The following PLEKHS1 variants were observed in gnomAD, a reference collection of about 807,000 sequenced individuals.
The protein encoded by PLEKHS1 is pleckstrin homology domain-containing family S member 1.
A neutral mutation model predicts 51.0 loss-of-function variants in PLEKHS1; 55 were observed. The ratio of observed to expected loss-of-function variants is 1.08; its 90% CI spans 0.87 to 1.35. PLEKHS1 has a LOEUF of 1.35. Among genes scored for constraint, PLEKHS1 ranks in the 40% most tolerant of loss-of-function variants. The probability of loss-of-function intolerance (pLI) is 0.00; values close to 1 mark genes in which losing one functional copy is unlikely to be tolerated. For synonymous variants in PLEKHS1, 153 were observed against 144.8 expected (o/e 1.06, Z -0.41); for missense variants, 398 against 423.0 (o/e 0.94, Z 0.52).
chr10:113,775,935 T>TTGAAGAGAACAAATACATC, intron 11 of PLEKHS1, 69 bp downstream of exon 11: 1 of 1,202,208 alleles, frequency 8.3e-7, no homozygotes, highest in East Asian at 2.5e-5. Flanking sequence ...CAATTACATC[T>TTGAAGAGAACAAATACATC]TGAAACAGTG....
exon 4 of PLEKHS1, chr10:113,766,614 C>T (rs1844172121): frequency 1.2e-6 from 2 of 1,605,454 alleles, no homozygotes; most frequent in Non-Finnish European, 8.5e-7. Flanking sequence ...TTTTTCAGAC[C>T]TCTTGGAAAA....
chr10:113,767,811 T>C (rs1844231941), intron 5 of PLEKHS1, among the ~76,000 whole-genome samples: 1 of 152,138 alleles, frequency 6.6e-6, no homozygotes, highest in Non-Finnish European at 1.5e-5. Context: ...CAGGGGCCTC[T>C]CCTAACTATT....
intron 11 of PLEKHS1, chr10:113,777,595 T>G (rs1204828095): frequency 2.6e-6 from 4 of 1,548,794 alleles, no homozygotes; most frequent in Non-Finnish European, 3.5e-6. Flanking sequence ...TTCTTTTCTG[T>G]AAAATTATGA....
chr10:113,770,945 C>T (rs894349223), intron 7 of PLEKHS1, among the ~76,000 whole-genome samples: 14 of 152,280 alleles, frequency 9.2e-5, no homozygotes, highest in Admixed American at 2.0e-4. Context: ...CAGCATGATC[C>T]GGCTCCATGA....
Position 113,762,386 on chromosome 10 carries a change from T to C in PLEKHS1, c.29-4025T>C, listed in dbSNP as rs866366811. 6.6e-3 allele frequency among the ~76,000 whole-genome samples: 799 copies of C among 121,956 alleles called. 7 individuals are homozygous for C. Among genetic ancestry groups the C allele is most frequent in the African/African-American group, 0.022 (769 of 35,472 alleles). 80.0% of individuals were successfully genotyped at this position (121,956 alleles called of 152,430 possible). A position where few individuals can be genotyped will look rare whatever the true frequency, so the allele number is the denominator to read the frequency against. On this transcript the variant is annotated intron_variant, in intron 2 of 11. Coordinates refer to ENST00000361048, the Ensembl canonical transcript of PLEKHS1. Reference sequence around the variant, plus strand: ...GTTCCTTTTTTTTTTTTTTTTTTTTTCAGTTTAGTTTCCTGAAACGTTTCA... The same window carrying C: ...GTTCCTTTTTTTTTTTTTTTTTTTTCCAGTTTAGTTTCCTGAAACGTTTCA...
At chr10:113,770,086 G>T (rs1002997168) in intron 7 of PLEKHS1, among the ~76,000 whole-genome samples, 186 bp downstream of exon 7, 1 of 152,212 alleles carries the variant, frequency 6.6e-6, no homozygotes, top group African/African-American at 2.4e-5. Flanking sequence ...GGCTTGCCCT[G>T]AATACCTCTC....
chr10:113,753,515 T>C (rs1853949002), intron 1 of PLEKHS1, among the ~76,000 whole-genome samples: 1 of 152,274 alleles, frequency 6.6e-6, no homozygotes, highest in South Asian at 2.1e-4. Context: ...CAGAGCTGAG[T>C]GTGCCCGCTA....
chr10:113,774,703 G>A (rs1593040323), intron 9 of PLEKHS1, 123 bp from the exon 10 acceptor site: 1 of 796,222 alleles, frequency 1.3e-6, no homozygotes, highest in East Asian at 2.5e-5. Context: ...TCTGATAGTT[G>A]GACATACGTC....
At chr10:113,769,944 C>G (rs1285804682) in intron 7 of PLEKHS1, 44 bp downstream of exon 7, 1 of 1,353,818 alleles carries the variant, frequency 7.4e-7, no homozygotes, top group East Asian at 2.3e-5. Context: ...ACCTGGGAGG[C>G]AGCTAATGCC....
At chr10:113,773,395 G>A (rs1393878964) in intron 8 of PLEKHS1, among the ~76,000 whole-genome samples, 1 of 150,204 alleles carries the variant, frequency 6.7e-6, no homozygotes, top group Non-Finnish European at 1.5e-5. Context: ...GTAAAGTCTA[G>A]TAAAGCAGAC....
intron 6 of PLEKHS1, 95 bp downstream of exon 6, chr10:113,768,985 T>C: frequency 1.2e-6 from 1 of 813,768 alleles, no homozygotes; most frequent in Non-Finnish European, 1.9e-6. Context: ...CCTTAGTAAC[T>C]GGCTTTAATA....
chr10:113,770,441 C>T (rs550356470), intron 7 of PLEKHS1, among the ~76,000 whole-genome samples: 1 of 152,150 alleles, frequency 6.6e-6, no homozygotes, highest in East Asian at 1.9e-4. Flanking sequence ...GTAATTGGAC[C>T]TTCAGCTTTC....
chr10:113,766,649 C>T, exon 4 of PLEKHS1: 1 of 1,612,482 alleles, frequency 6.2e-7, no homozygotes, highest in South Asian at 1.1e-5. Flanking sequence ...CTGTCAAAGG[C>T]TGGGGAAAAG....
intron 11 of PLEKHS1, chr10:113,777,206 C>T (rs774873707): frequency 6.2e-7 from 1 of 1,612,830 alleles, no homozygotes; most frequent in Non-Finnish European, 8.5e-7. Flanking sequence ...TGACCTGAAA[C>T]CCCAGAGCCT....
chr10:113,753,816 A>AT (rs1209012483), intron 1 of PLEKHS1, among the ~76,000 whole-genome samples: 3 of 151,560 alleles, frequency 2.0e-5, no homozygotes, highest in East Asian at 1.9e-4. Flanking sequence ...TGTATTATAT[A>AT]TTTTTTTTAT....
intron 2 of PLEKHS1, 26 bp downstream of exon 2, chr10:113,755,331 G>A: frequency 6.3e-7 from 1 of 1,598,478 alleles, no homozygotes; most frequent in Admixed American, 1.8e-5. Flanking sequence ...AATCGCAGAA[G>A]CAGAAATCTT....
Position 113,777,655 on chromosome 10 carries a change from C to T in PLEKHS1, c.1091+1789C>T, listed in dbSNP as rs748494403. 87 of 1,526,276 alleles carry T rather than the reference C, an allele frequency of 5.7e-5. 1 individual carries two copies. In the South Asian group the frequency reaches 9.0e-4, roughly 16 times the overall value. 94.5% of individuals were successfully genotyped at this position (1,526,276 alleles called of 1,614,324 possible). A position where few individuals can be genotyped will look rare whatever the true frequency, so the allele number is the denominator to read the frequency against. On this transcript the variant is annotated intron_variant, in intron 11 of 11. Coordinates refer to ENST00000361048, the Ensembl canonical transcript of PLEKHS1. ...TAATTAAATGAGGTAATATGTGTAA[C>T]GTGCTTACAAAGGTGACTGGCACAT...
rs145359238 is a variant in PLEKHS1, at chr10:113,770,972, A to G, written c.553-998A>G. Among the ~76,000 whole-genome samples the G allele has an allele frequency of 3.5e-3, 537 of 152,340 alleles. 6 individuals carry two copies. The highest frequency in any genetic ancestry group is 0.013 in the African/African-American group (522 of 41,568). ...GCTCCATGAGCTTGGAACTTAAAACATGGACAGAACTTAAACACACCTGTA... is the reference window on the plus strand; with the variant it reads ...GCTCCATGAGCTTGGAACTTAAAACGTGGACAGAACTTAAACACACCTGTA... On this transcript the variant is annotated intron_variant, in intron 7 of 11. Transcript: ENST00000361048.
chr10:113,775,129 T>C (rs1844591592), intron 10 of PLEKHS1, 94 bp downstream of exon 10: 1 of 1,204,052 alleles, frequency 8.3e-7, no homozygotes, highest in Admixed American at 2.5e-5. Flanking sequence ...ATTTTAAAGC[T>C]GTTCCTAAAA....
Sources: allele counts gnomAD v4.1 joint callset (sites outside exome capture counted in the v4.1 genomes callset), GRCh38; gene constraint gnomAD v4.1.1; transcripts MANE v1.5; gene names NCBI Gene and HGNC (gene_info 2026-07-23, HGNC 2026-07-21).